MDN1: variants seen among roughly 807,000 people sequenced by gnomAD.
MDN1 encodes midasin AAA ATPase 1, also known as midasin.
MDN1 carries 266 observed loss-of-function variants against 669.2 expected under a neutral mutation model. The observed-to-expected ratio is 0.40, with a 90% CI of 0.36 to 0.44. The LOEUF (loss-of-function observed/expected upper bound fraction) is 0.44. Ranked by LOEUF, MDN1 falls within the 20% of genes least tolerant of loss-of-function variation. MDN1 has a pLI of 1.00. For synonymous variants in MDN1, 2,385 were observed against 2,457.1 expected (o/e 0.97, Z 0.87); for missense variants, 5,940 against 6,754.0 (o/e 0.88, Z 4.22).
chr6:89,756,685 G>A (rs1817266226), intron 19 of MDN1, among the ~76,000 whole-genome samples: 1 of 152,200 alleles, frequency 6.6e-6, no homozygotes, highest in African/African-American at 2.4e-5. Flanking sequence ...CACTTTGGGA[G>A]GCCGAGGCCG....
intron 2 of MDN1, among the ~76,000 whole-genome samples, chr6:89,801,649 C>CAAA (rs142646455): frequency 7.2e-6 from 1 of 139,762 alleles, no homozygotes. Flanking sequence ...GACTCCGTCT[C>CAAA]AAAAAAAAAA....
At position 89,781,476 on chromosome 6, in the gene MDN1, T is replaced by C; in HGVS notation, c.1566A>G (p.Glu522=). 2 of 1,614,212 alleles carry C rather than the reference T, an allele frequency of 1.2e-6. No individual in the cohort carries two copies. Among genetic ancestry groups the C allele is most frequent in the Non-Finnish European group, 1.7e-6 (2 of 1,180,020 alleles). The part of the protein sequence containing the change: ...HSWSDSSVGC[E]QAPEEVSEAR... ...CTTCTGAAACTTCTTCAGGTGCCTG[T>C]TCACATCCAACAGAACTATCACTCC... The change falls in exon 10 of 102, where the codon GAA becomes GAG. Residue 522 remains glutamate (E), a synonymous_variant. Transcript: ENST00000369393.
chr6:89,725,365 C>T lies in MDN1; in HGVS notation c.5504G>A (p.Gly1835Glu). ...TCGGTGGTCAAAACAAGCATTGAGTCCTTCCAATACAGACTGAGAAGCCAG... is the reference window on the plus strand; with the variant it reads ...TCGGTGGTCAAAACAAGCATTGAGTTCTTCCAATACAGACTGAGAAGCCAG... ...LNLASQSVLE[G>E]LNACFDHRGE... Residue 1835 changes from glycine (G) to glutamate (E), a missense_variant, in exon 38 of 102, where the codon GGA (glycine) becomes GAA (glutamate). By Grantham distance (98) the Gly-to-Glu change is moderately conservative (BLOSUM62 -2). This residue lies in a region of MDN1 where 2,292 missense variants were observed against 2,638.3 expected (regional missense o/e 0.87). Coordinates refer to ENST00000369393, the MANE Select transcript of MDN1 (RefSeq NM_014611.3). 6.2e-7 allele frequency: 1 copy of T among 1,613,774 alleles called. No individual in the cohort carries two copies. The highest frequency in any genetic ancestry group is 8.5e-7 in the Non-Finnish European group (1 of 1,179,856).
rs529302673 is a variant in MDN1 at position 89,696,252 on chromosome 6, C to A, written c.9383+108G>T. The A allele has an allele frequency of 1.1e-5, 14 of 1,240,798 alleles. No homozygotes were observed. In the Admixed American group the frequency reaches 1.7e-4, roughly 15 times the overall value. The allele number at this position is 1,240,798 out of a possible 1,614,324, so 76.9% of individuals were successfully genotyped here. A position where few individuals can be genotyped will look rare whatever the true frequency, so the allele number is the denominator to read the frequency against. ...ATTCAGGCAGAAAATACCCTCACTTCAAACACCAGAACTAGCCACTACAGA... is the reference window on the plus strand; with the variant it reads ...ATTCAGGCAGAAAATACCCTCACTTAAAACACCAGAACTAGCCACTACAGA... On this transcript the variant is annotated intron_variant, in intron 60 of 101. Coordinates refer to ENST00000369393, the MANE Select transcript of MDN1 (RefSeq NM_014611.3).
At chr6:89,707,569 G>T (rs1288281481) in intron 51 of MDN1, 93 bp from the exon 52 acceptor site, 2 of 819,996 alleles carry the variant, frequency 2.4e-6, no homozygotes, top group Non-Finnish European at 4.1e-6. Flanking sequence ...GGAACATCAG[G>T]GTCCTTCATC....
At chr6:89,711,986 A>G (rs376082237) in intron 49 of MDN1, 50 bp downstream of exon 49, 174 of 1,448,730 alleles carry the variant, frequency 1.2e-4, no homozygotes, top group African/African-American at 1.0e-3. Context: ...CTTAAATAGC[A>G]TAAGTGTATA....
chr6:89,723,193 C>A, intron 39 of MDN1, 50 bp from the exon 40 acceptor site: 1 of 1,546,122 alleles, frequency 6.5e-7, no homozygotes, highest in Non-Finnish European at 8.9e-7. Flanking sequence ...TACTACTAGG[C>A]ACTGCATTAA....
At chr6:89,670,170 A>ATATATTTTTTTTTTT (rs1444537561) in intron 83 of MDN1, among the ~76,000 whole-genome samples, 11 of 23,404 alleles carry the variant, frequency 4.7e-4, no homozygotes, top group South Asian at 2.3e-3. Flanking sequence ...ATATATATAT[A>ATATATTTTTTTTTTT]TTTTTTTTTT....
At chr6:89,701,274 G>A (rs770671930) in intron 55 of MDN1, among the ~76,000 whole-genome samples, 34 of 152,240 alleles carry the variant, frequency 2.2e-4, no homozygotes, top group Middle Eastern at 6.8e-3. Context: ...TTTACACAGC[G>A]TTTATATTGT....
At chr6:89,765,175 G>A (rs1266662203) in intron 15 of MDN1, among the ~76,000 whole-genome samples, 4 of 152,218 alleles carry the variant, frequency 2.6e-5, no homozygotes, top group African/African-American at 4.8e-5. Context: ...GGAGAATGGC[G>A]TGAACCCGGG....
At chr6:89,704,189 T>A (rs74379308) in intron 53 of MDN1, among the ~76,000 whole-genome samples, 5,263 of 152,146 alleles carry the variant, frequency 0.035, 125 homozygotes, top group South Asian at 0.13. Context: ...AAGACCAGCC[T>A]GACCAACATG....
chr6:89,682,326 C>T (rs1811667268), intron 73 of MDN1, among the ~76,000 whole-genome samples: 1 of 152,178 alleles, frequency 6.6e-6, no homozygotes, highest in Admixed American at 6.5e-5. Flanking sequence ...CACAGGCTGA[C>T]ATTAAATTTT....
At chr6:89,670,170 A>ATATATATATATATTTTTTTTT (rs1444537561) in intron 83 of MDN1, among the ~76,000 whole-genome samples, 1 of 23,410 alleles carries the variant, frequency 4.3e-5, no homozygotes, top group Non-Finnish European at 6.1e-5. Flanking sequence ...ATATATATAT[A>ATATATATATATATTTTTTTTT]TTTTTTTTTT....
In MDN1 at chr6:89,713,279, C is replaced by A; in HGVS notation, c.7087G>T (p.Val2363Leu). 1.9e-6 allele frequency: 3 copies of A among 1,612,236 alleles called. No homozygotes were observed. The Middle Eastern group carries it at 5.0e-4, about 267-fold the overall frequency. Residue 2363 changes from valine to leucine, a missense_variant, in exon 47 of 102, where the codon GTA becomes TTA. This residue lies in a region of MDN1 where 2,292 missense variants were observed against 2,638.3 expected (regional missense o/e 0.87). Transcript: ENST00000369393. ...STVVGSPTSSVSTLIQTAILI... is the reference protein window; with the variant it reads ...STVVGSPTSSLSTLIQTAILI... ...ATGGCTGTCTGGATTAGAGTTGATACAGAAGATGTTGGAGAACCTATTAAA... is the reference window on the plus strand; with the variant it reads ...ATGGCTGTCTGGATTAGAGTTGATAAAGAAGATGTTGGAGAACCTATTAAA...
At chr6:89,662,724 A>G in intron 86 of MDN1, 68 bp downstream of exon 86, 1 of 1,501,908 alleles carries the variant, frequency 6.7e-7, no homozygotes, top group South Asian at 1.2e-5. Context: ...TAAATGACAG[A>G]GAATGGTAGG....
chr6:89,745,164 A>C (rs1205985804), intron 29 of MDN1, 109 bp downstream of exon 29: 4 of 917,530 alleles, frequency 4.4e-6, no homozygotes, highest in African/African-American at 1.8e-5. Flanking sequence ...AAAAAAGAGG[A>C]AGGAGGAAAG....
chr6:89,816,168 C>T (rs754917445), intron 1 of MDN1, among the ~76,000 whole-genome samples: 3 of 151,920 alleles, frequency 2.0e-5, no homozygotes, highest in African/African-American at 4.8e-5. Context: ...GGGAGGCCGA[C>T]GCGGGTGGAT....
At chr6:89,781,328 G>C in intron 10 of MDN1, 71 bp downstream of exon 10, 2 of 1,487,616 alleles carry the variant, frequency 1.3e-6, no homozygotes, top group Non-Finnish European at 1.9e-6. Flanking sequence ...TCCAGCCTGG[G>C]TAACAGAGCA....
rs1286096503 is a variant in MDN1 at position 89,686,910 on chromosome 6, T to C, written c.11564A>G (p.Glu3855Gly). 5 of 1,613,738 alleles carry C rather than the reference T, an allele frequency of 3.1e-6. No homozygotes were observed. Among genetic ancestry groups the C allele is most frequent in the African/African-American group, 2.7e-5 (2 of 74,864 alleles). Residue 3855 changes from glutamate to glycine, a missense_variant, in exon 69 of 102, where the codon GAA (glutamate) becomes GGA (glycine). By Grantham distance (98) the Glu-to-Gly change is moderately conservative. Around this residue, in one of 5 missense-constraint regions of MDN1, gnomAD observed 2,280 missense variants for 2,576.3 expected, o/e 0.88. Coordinates refer to ENST00000369393, the MANE Select transcript of MDN1 (RefSeq NM_014611.3). ...LEKHMQEQTE[E>G]QEDDKQMTLM... is the part of the protein sequence containing the mutation. The stretch of plus-strand genomic sequence containing the variant: ...GTACTGCTAGGCATTACCTTCCTGT[T>C]CTTCTGTTTGTTCCTGCATGTGCTT...
Sources: gnomAD v4.1 joint callset for allele counts (sites outside exome capture counted in the v4.1 genomes callset) on GRCh38, gnomAD v4.1.1 for gene constraint, gnomAD v4.1.1 regional missense constraint, MANE v1.5 for transcripts, NCBI Gene and HGNC (gene_info 2026-07-23, HGNC 2026-07-21) for gene names.